Variants in ELAPOR2 observed in about 807,000 individuals in gnomAD.
The protein encoded by ELAPOR2 is endosome-lysosome associated apoptosis and autophagy regulator family member 2.
ELAPOR2 carries 89 observed loss-of-function variants against 120.7 expected under a neutral mutation model. That is an observed-to-expected ratio of 0.74 (90% CI 0.62 to 0.88). The LOEUF is 0.88. ELAPOR2 is among the 40% of genes least tolerant of loss of function. ELAPOR2 has a pLI of 0.00. For missense variants in ELAPOR2, 1,134 were observed against 1,251.6 expected, an observed-to-expected ratio of 0.91 and a Z score of 1.42; for synonymous variants, 444 against 444.9, an observed-to-expected ratio of 1.00 and a Z score of 0.03.
intron 1 of ELAPOR2, among the ~76,000 whole-genome samples, chr7:87,010,876 T>C (rs1223801456): frequency 6.6e-6 from 1 of 152,150 alleles, no homozygotes; most frequent in Non-Finnish European, 1.5e-5. Context: ...TAATTTTACA[T>C]TGTCCAAGTT....
At chr7:86,972,608 T>TC (rs1227785844) in intron 1 of ELAPOR2, among the ~76,000 whole-genome samples, 2 of 151,738 alleles carry the variant, frequency 1.3e-5, no homozygotes, top group Non-Finnish European at 2.9e-5. Flanking sequence ...TTTTTGTTTT[T>TC]TTTTTTTTAA....
intron 2 of ELAPOR2, among the ~76,000 whole-genome samples, chr7:86,958,551 G>T (rs1435836553): frequency 6.6e-6 from 1 of 152,174 alleles, no homozygotes. Flanking sequence ...GCAGCCGGCC[G>T]ATTGAGTTGC....
chr7:86,975,154 A>C (rs967702218), intron 1 of ELAPOR2, among the ~76,000 whole-genome samples: 1 of 152,202 alleles, frequency 6.6e-6, no homozygotes, highest in African/African-American at 2.4e-5. Flanking sequence ...AGAAGGGATA[A>C]CTCCACATCT....
In ELAPOR2 at chr7:86,897,621, G is replaced by A. The variant is rs182359446; in HGVS notation, c.2570C>T (p.Ala857Val). The change falls in exon 19 of 22, where the codon GCA becomes GTA. Residue 857 changes from alanine to valine, a missense_variant. Physicochemically the swap from Ala to Val is moderately conservative, Grantham distance 64 (BLOSUM62 0). Coordinates refer to ENST00000450689, the MANE Select transcript of ELAPOR2 (RefSeq NM_001142749.3). ...GVISVPSKCP[A>V]GTCDGCTFYF... is the part of the protein sequence containing the mutation. ...GAACGTACACCCATCACAGGTACCT[G>A]CTGGGCACTTGCTAAAATCATAAAC... The A allele has an allele frequency of 8.1e-5, 130 of 1,613,064 alleles. No individual in the cohort carries two copies. The highest frequency in any genetic ancestry group is 3.2e-4 in the Admixed American group (19 of 59,924).
intron 12 of ELAPOR2, among the ~76,000 whole-genome samples, chr7:86,915,866 C>T (rs1053945355): frequency 6.6e-5 from 10 of 151,794 alleles, no homozygotes; most frequent in African/African-American, 2.4e-4. Context: ...TATAGAAATC[C>T]TCATGTAACC....
intron 8 of ELAPOR2, among the ~76,000 whole-genome samples, chr7:86,932,137 T>C (rs1175559573): frequency 6.6e-6 from 1 of 151,920 alleles, no homozygotes; most frequent in Non-Finnish European, 1.5e-5. Context: ...AGTCAGTGTT[T>C]GTAGTATCAA....
At chr7:86,982,197 C>T (rs369696644) in intron 1 of ELAPOR2, among the ~76,000 whole-genome samples, 2 of 152,258 alleles carry the variant, frequency 1.3e-5, no homozygotes, top group African/African-American at 4.8e-5. Flanking sequence ...CTCAGCAAGG[C>T]CTGTTGCCTC....
chr7:86,995,103 T>C (rs1379409714), intron 1 of ELAPOR2, among the ~76,000 whole-genome samples: 7 of 152,188 alleles, frequency 4.6e-5, no homozygotes, highest in Admixed American at 3.9e-4. Context: ...AAGACAGCTG[T>C]AGTAGTTTCA....
chr7:87,011,224 A>G (rs1269426067), intron 1 of ELAPOR2, among the ~76,000 whole-genome samples: 4 of 68,216 alleles, frequency 5.9e-5, no homozygotes, highest in Non-Finnish European at 8.7e-5. Context: ...GCCAAGATGC[A>G]TGGCGACAGA....
chr7:86,885,838 T>C (rs778899465), intron 21 of ELAPOR2, among the ~76,000 whole-genome samples: 1 of 152,144 alleles, frequency 6.6e-6, no homozygotes, highest in Non-Finnish European at 1.5e-5. Context: ...GAATATACAG[T>C]AGAACTTGAT....
chr7:86,880,092 CAT>C lies in ELAPOR2; in HGVS notation c.*377_*378del, dbSNP rs1351586411. On this transcript the variant is annotated 3_prime_UTR_variant, in exon 22 of 22. Coordinates refer to ENST00000450689, the MANE Select transcript of ELAPOR2 (RefSeq NM_001142749.3). Reference sequence around the variant, plus strand: ...AATTGGATCATAATGCATATGCTCACATGTGCCTTCCAAATCACACTTGTTAT... The same window carrying C: ...AATTGGATCATAATGCATATGCTCACGTGCCTTCCAAATCACACTTGTTAT... 3 of 175,852 alleles carry C rather than the reference CAT, an allele frequency of 1.7e-5. No individual in the cohort carries two copies. The highest frequency in any genetic ancestry group is 3.6e-5 in the Non-Finnish European group (3 of 84,048). 10.9% of individuals were successfully genotyped at this position (175,852 alleles called of 1,614,324 possible).
In ELAPOR2 at chr7:86,922,428, T is replaced by C. The variant is rs147052426; in HGVS notation, c.1399+3100A>G. ...AAAAATTTTAAATTTTAAAGACAAA[T>C]TTAAAAGTTGAAACCTAAAATTACT... On this transcript the variant is annotated intron_variant, in intron 10 of 21. Transcript: ENST00000450689. Among the ~76,000 whole-genome samples the C allele has an allele frequency of 4.6e-3, 693 of 151,932 alleles. 6 individuals carry two copies. The highest frequency in any genetic ancestry group is 5.5e-3 in the Non-Finnish European group (376 of 67,868).
intron 1 of ELAPOR2, among the ~76,000 whole-genome samples, chr7:86,995,424 T>C (rs1233319888): frequency 6.6e-6 from 1 of 152,190 alleles, no homozygotes; most frequent in Non-Finnish European, 1.5e-5. Context: ...TAGTTTAGAC[T>C]AACAGAAACT....
chr7:87,049,971 C>G (rs1283589689), intron 1 of ELAPOR2, among the ~76,000 whole-genome samples: 1 of 152,178 alleles, frequency 6.6e-6, no homozygotes, highest in East Asian at 1.9e-4. Flanking sequence ...TTCAGGCTCC[C>G]TCTTGCACTT....
chr7:87,046,362 T>A (rs1366575922), intron 1 of ELAPOR2, among the ~76,000 whole-genome samples: 1 of 152,190 alleles, frequency 6.6e-6, no homozygotes. Flanking sequence ...TGTTTAAATG[T>A]CCATACTGCC....
chr7:87,022,905 T>C (rs78694184), intron 1 of ELAPOR2, among the ~76,000 whole-genome samples: 60,890 of 151,186 alleles, frequency 0.4, 13,807 homozygotes, highest in African/African-American at 0.62. Context: ...TCATATCCTT[T>C]GCCCACTTTT....
At chr7:86,959,159 T>C (rs938181449) in intron 2 of ELAPOR2, among the ~76,000 whole-genome samples, 2 of 152,234 alleles carry the variant, frequency 1.3e-5, no homozygotes, top group African/African-American at 2.4e-5. Context: ...TGTTTAAAGT[T>C]TATTTTGTAT....
intron 2 of ELAPOR2, among the ~76,000 whole-genome samples, chr7:86,955,987 A>G (rs2116435256): frequency 6.6e-6 from 1 of 152,010 alleles, no homozygotes; most frequent in South Asian, 2.1e-4. Context: ...AAAGAAAAAG[A>G]AAAAAAGAAA....
At chr7:87,025,249 C>CTGACAATAAATTTCAGACAAT (rs1400982245) in intron 1 of ELAPOR2, among the ~76,000 whole-genome samples, 9 of 152,042 alleles carry the variant, frequency 5.9e-5, no homozygotes, top group Non-Finnish European at 1.2e-4. Flanking sequence ...TCAGACAATG[C>CTGACAATAAATTTCAGACAAT]TTATTTTCTA....
Sources: gnomAD v4.1 joint callset for allele counts (sites outside exome capture counted in the v4.1 genomes callset) on GRCh38, gnomAD v4.1.1 for gene constraint, MANE v1.5 for transcripts, NCBI Gene and HGNC (gene_info 2026-07-23, HGNC 2026-07-21) for gene names.